The following ZNF43 variants were observed in gnomAD, a reference collection of about 807,000 sequenced individuals.
ZNF43 encodes zinc finger protein 39-like 1 (KOX 27).
In ZNF43, 44 loss-of-function variants were observed where a neutral mutation model predicts 68.4. The observed-to-expected ratio is 0.64, with a 90% CI of 0.51 to 0.83. The LOEUF is 0.83. Among genes scored for constraint, ZNF43 ranks in the 40% least tolerant of loss-of-function variants. The pLI is 0.00. For synonymous variants in ZNF43, 308 were observed against 307.8 expected (o/e 1.00, Z -0.01); for missense variants, 896 against 933.2 (o/e 0.96, Z 0.52).
intron 3 of ZNF43, among the ~76,000 whole-genome samples, chr19:21,814,137 A>C (rs7247976): frequency 0.034 from 5,210 of 152,202 alleles, 314 homozygotes; most frequent in African/African-American, 0.12. Context: ...TTAAAAAAAA[A>C]CAAAAAAATA....
At position 21,836,128 on chromosome 19, in the gene ZNF43, CAG is replaced by C; in HGVS notation, c.-92_-91del. 1 of 1,600,534 alleles carries C rather than the reference CAG, an allele frequency of 6.2e-7. No homozygotes were observed. Among genetic ancestry groups the C allele is most frequent in the Non-Finnish European group, 8.5e-7 (1 of 1,172,980 alleles). ...GCCACAGAGGCTGGACCTCTAGCAG[CAG>C]AGGACACAGAAGAACGAAGACGAGA... On this transcript the variant is annotated 5_prime_UTR_variant, in exon 1 of 4. Transcript: ENST00000354959.
Position 21,809,319 on chromosome 19 carries a change from T to TA in ZNF43, c.717dup (p.Asn240Ter). The TA allele has an allele frequency of 6.2e-7, 1 of 1,613,782 alleles. No individual in the cohort carries two copies. The highest frequency in any genetic ancestry group is 8.5e-7 in the Non-Finnish European group (1 of 1,179,890). The stretch of plus-strand genomic sequence containing the variant: ...TGTGTAGTAAGGCGTGAGGACCAAT[T>TA]AAAGACTTTGCCACATTCTTCACAT... On this transcript the variant is annotated frameshift_variant, in exon 4 of 4. Coordinates refer to ENST00000354959, the MANE Select transcript of ZNF43 (RefSeq NM_003423.4). LOFTEE classifies it high-confidence loss of function.
At chr19:21,835,249 C>CAAAAAAAAAAAAAAAAAAAA (rs377486360) in intron 1 of ZNF43, among the ~76,000 whole-genome samples, 1 of 82,580 alleles carries the variant, frequency 1.2e-5, no homozygotes, top group Non-Finnish European at 2.5e-5. Flanking sequence ...AAGTCCATCT[C>CAAAAAAAAAAAAAAAAAAAA]AAAAAAAAAA....
rs141039974 is a variant in ZNF43 at position 21,809,198 on chromosome 19, C to T, written c.839G>A (p.Arg280His). Residue 280 changes from arginine (R) to histidine (H), a missense_variant, in exon 4 of 4, where the codon CGC becomes CAC. By Grantham distance (29) the Arg-to-His change is conservative (BLOSUM62 0). Transcript: ENST00000354959. The stretch of plus-strand genomic sequence containing the variant: ...ACATTTGTAGAATTTCTCTCCAGTG[C>T]GAATTATCTTATGGGTAGTAAGGAT... ...SSILTTHKII[R>H]TGEKFYKCKE... is the part of the protein sequence containing the mutation. 8.9e-5 allele frequency: 143 copies of T among 1,605,190 alleles called. 2 individuals carry two copies. Among genetic ancestry groups the T allele is most frequent in the African/African-American group, 2.5e-4 (18 of 72,468 alleles).
chr19:21,847,028 T>C (rs1390366550), intron 1 of ZNF43, among the ~76,000 whole-genome samples: 1 of 152,182 alleles, frequency 6.6e-6, no homozygotes, highest in Non-Finnish European at 1.5e-5. Context: ...ACAATGTTCC[T>C]GTAAGCAGGG....
upstream of ZNF43, chr19:21,836,187 G>A (rs371937417): frequency 2.0e-4 from 301 of 1,500,536 alleles, 4 homozygotes; most frequent in East Asian, 5.1e-3. Context: ...AGAGACAAAG[G>A]CCCCGCCACA....
intron 1 of ZNF43, among the ~76,000 whole-genome samples, chr19:21,829,254 C>T (rs1318343285): frequency 6.6e-6 from 1 of 151,168 alleles, no homozygotes; most frequent in African/African-American, 2.4e-5. Flanking sequence ...ACACCACACA[C>T]AAAAAAAACT....
Position 21,809,207 on chromosome 19 carries a change from T to C in ZNF43, c.830A>G (p.Lys277Arg), listed in dbSNP as rs1434454139. The C allele has an allele frequency of 1.2e-6, 2 of 1,613,576 alleles. No homozygotes were observed. The highest frequency in any genetic ancestry group is 2.2e-5 in the South Asian group (2 of 91,044). ...FNKSSILTTH[K>R]IIRTGEKFYK... ...GAATTTCTCTCCAGTGCGAATTATCTTATGGGTAGTAAGGATTGAGGACTT... is the reference window on the plus strand; with the variant it reads ...GAATTTCTCTCCAGTGCGAATTATCCTATGGGTAGTAAGGATTGAGGACTT... Residue 277 changes from lysine (K) to arginine (R), a missense_variant, in exon 4 of 4, where the codon AAG (lysine) becomes AGG (arginine). Transcript: ENST00000354959.
chr19:21,835,249 C>CAAAAA (rs377486360), intron 1 of ZNF43, among the ~76,000 whole-genome samples: 1 of 82,580 alleles, frequency 1.2e-5, no homozygotes, highest in Non-Finnish European at 2.5e-5. Flanking sequence ...AAGTCCATCT[C>CAAAAA]AAAAAAAAAA....
chr19:21,846,387 C>T (rs894843636), intron 1 of ZNF43, among the ~76,000 whole-genome samples: 34 of 152,114 alleles, frequency 2.2e-4, no homozygotes, highest in Non-Finnish European at 7.3e-5. Flanking sequence ...GTGTGCTGGG[C>T]CAAACAATAA....
At chr19:21,848,615 C>A (rs907461815) in intron 1 of ZNF43, among the ~76,000 whole-genome samples, 4 of 151,910 alleles carry the variant, frequency 2.6e-5, no homozygotes, top group African/African-American at 7.2e-5. Flanking sequence ...GGTGCTGGGA[C>A]CAGTGATATG....
At chr19:21,809,997 T>C (rs2037201458) in intron 3 of ZNF43, among the ~76,000 whole-genome samples, 190 bp from the exon 4 acceptor site, 1 of 152,048 alleles carries the variant, frequency 6.6e-6, no homozygotes, top group Admixed American at 6.6e-5. Flanking sequence ...AATTTACAAA[T>C]AAGTGTGTGC....
At chr19:21,846,754 G>T (rs78487711) in intron 1 of ZNF43, among the ~76,000 whole-genome samples, 13,211 of 152,212 alleles carry the variant, frequency 0.087, 643 homozygotes, top group Middle Eastern at 0.16. Context: ...GCAGAAACCA[G>T]GTAAGACAAG....
chr19:21,849,488 C>CAAAAAA (rs35354919), intron 1 of ZNF43, among the ~76,000 whole-genome samples: 6 of 29,502 alleles, frequency 2.0e-4, no homozygotes, highest in East Asian at 2.1e-3. Flanking sequence ...AACCCTGCCT[C>CAAAAAA]AAAAAAAAAA....
chr19:21,825,061 C>T (rs1356661171), intron 1 of ZNF43, among the ~76,000 whole-genome samples: 1 of 152,034 alleles, frequency 6.6e-6, no homozygotes, highest in East Asian at 1.9e-4. Context: ...CACAGTAAAA[C>T]CCTGTTTCTA....
intron 2 of ZNF43, 68 bp downstream of exon 2, chr19:21,819,027 C>A: frequency 6.5e-7 from 1 of 1,536,222 alleles, no homozygotes; most frequent in Non-Finnish European, 8.7e-7. Flanking sequence ...ACCAAAAAAA[C>A]AGTCTACAGA....
At chr19:21,840,108 G>C, upstream of ZNF43, 1 of 152,184 alleles carries the variant, frequency 6.6e-6, no homozygotes. Flanking sequence ...CCTGGATGTT[G>C]CACATAGCAA....
rs1397539397 is a variant in ZNF43 at position 21,808,878 on chromosome 19, T to A, written c.1159A>T (p.Lys387Ter). 1.2e-6 allele frequency: 2 copies of A among 1,613,492 alleles called. No individual in the cohort carries two copies. Among genetic ancestry groups the A allele is most frequent in the Admixed American group, 3.3e-5 (2 of 59,972 alleles). The change falls in exon 4 of 4, where the codon AAA (lysine) becomes TAA (stop). Residue 387 changes from lysine (K) to a stop codon, truncating the protein, a stop_gained. Transcript: ENST00000354959. LOFTEE classifies it high-confidence loss of function. ...EAFSRSSNLT[K>*]HKKIHTEKKP... ...TTTTCAGTATGAATTTTCTTATGTT[T>A]AGTAAGGTTTGAGGACCGGCTAAAA...
chr19:21,820,699 A>G (rs1367362316), intron 1 of ZNF43, among the ~76,000 whole-genome samples: 1 of 152,198 alleles, frequency 6.6e-6, no homozygotes, highest in Non-Finnish European at 1.5e-5. Context: ...AGATGTGCTG[A>G]TGCACGCAAA....
Sources: gnomAD v4.1 joint callset for allele counts (sites outside exome capture counted in the v4.1 genomes callset) on GRCh38, gnomAD v4.1.1 for gene constraint, MANE v1.5 for transcripts, NCBI Gene and HGNC (gene_info 2026-07-23, HGNC 2026-07-21) for gene names.